AGMO: variants seen among roughly 807,000 people sequenced by gnomAD.
AGMO encodes glyceryl-ether monooxygenase.
Under a neutral mutation model 60.2 loss-of-function variants are expected in AGMO, and 75 were observed. The observed-to-expected ratio is 1.25, with a 90% CI of 1.03 to 1.51. AGMO has a LOEUF of 1.51. Ranked by LOEUF, AGMO falls within the 40% of genes most tolerant of loss-of-function variation. AGMO has a pLI of 0.00. For synonymous variants in AGMO, 261 were observed against 177.1 expected (o/e 1.47, Z -3.76); for missense variants, 763 against 525.5 (o/e 1.45, Z -4.42).
intron 3 of AGMO, among the ~76,000 whole-genome samples, chr7:15,435,554 A>C (rs1218566165): frequency 3.3e-5 from 5 of 152,118 alleles, no homozygotes; most frequent in Non-Finnish European, 7.4e-5. Flanking sequence ...ATTTGTGCCC[A>C]TATTTTAAAT....
At chr7:15,395,978 G>A (rs865835367) in intron 5 of AGMO, 1 of 152,264 alleles carries the variant, frequency 6.6e-6, no homozygotes, top group African/African-American at 2.4e-5. Context: ...ACATATCAAA[G>A]CGGATCCTTC....
intron 5 of AGMO, among the ~76,000 whole-genome samples, chr7:15,415,340 C>T (rs899204937): frequency 2.6e-5 from 4 of 151,884 alleles, no homozygotes; most frequent in African/African-American, 7.2e-5. Flanking sequence ...GTCAAGAGAC[C>T]GAGACCATTC....
intron 12 of AGMO, among the ~76,000 whole-genome samples, chr7:15,269,170 GTATT>G (rs2128512757): frequency 6.6e-6 from 1 of 152,174 alleles, no homozygotes; most frequent in South Asian, 2.1e-4. Flanking sequence ...CAATAAAACT[GTATT>G]TATAATAATA....
intron 12 of AGMO, among the ~76,000 whole-genome samples, chr7:15,323,464 T>C (rs1406321288): frequency 6.6e-6 from 1 of 152,146 alleles, no homozygotes; most frequent in Non-Finnish European, 1.5e-5. Flanking sequence ...GTGTATACAA[T>C]AAATATGTCA....
intron 12 of AGMO, among the ~76,000 whole-genome samples, chr7:15,285,146 G>C (rs1322779420): frequency 2.6e-5 from 4 of 151,798 alleles, no homozygotes; most frequent in Non-Finnish European, 5.9e-5. Context: ...AAAGTTGAAA[G>C]CATTCCCCCG....
intron 3 of AGMO, among the ~76,000 whole-genome samples, chr7:15,435,517 A>G (rs1164176035): frequency 6.6e-6 from 1 of 152,124 alleles, no homozygotes; most frequent in Non-Finnish European, 1.5e-5. Context: ...CCATCTATGT[A>G]TCTTCTTTTT....
chr7:15,382,869 G>A (rs553804901), intron 10 of AGMO, among the ~76,000 whole-genome samples: 1 of 151,934 alleles, frequency 6.6e-6, no homozygotes, highest in East Asian at 2.0e-4. Flanking sequence ...TAAATGATTA[G>A]ATACTTTGTT....
chr7:15,536,077 G>A lies in AGMO; in HGVS notation c.409+8695C>T, dbSNP rs1191735584. Reference sequence around the variant, plus strand: ...TAGTACCTAACAATATAAAAAACATGTATTCAATAACAGTGGTAATATTTA... The same window carrying A: ...TAGTACCTAACAATATAAAAAACATATATTCAATAACAGTGGTAATATTTA... On this transcript the variant is annotated intron_variant, in intron 3 of 12. Coordinates refer to ENST00000342526, the MANE Select transcript of AGMO (RefSeq NM_001004320.2). Among the ~76,000 whole-genome samples the A allele has an allele frequency of 1.3e-5, 2 of 151,748 alleles. 1 individual carries two copies. Among genetic ancestry groups the A allele is most frequent in the East Asian group, 3.9e-4 (2 of 5,194 alleles).
chr7:15,268,252 T>G (rs1475838202), intron 12 of AGMO, among the ~76,000 whole-genome samples: 1 of 152,024 alleles, frequency 6.6e-6, no homozygotes, highest in African/African-American at 2.4e-5. Context: ...GACTGTCTTT[T>G]GCATTTCTTT....
intron 4 of AGMO, among the ~76,000 whole-genome samples, chr7:15,419,694 A>G (rs10232120): frequency 0.17 from 25,238 of 151,696 alleles, 2,250 homozygotes; most frequent in Middle Eastern, 0.23. Flanking sequence ...TAATATAAAC[A>G]TGTTATTAAG....
Position 15,412,210 on chromosome 7 carries a change from G to A in AGMO, c.609+6348C>T, listed in dbSNP as rs143171780. Among the ~76,000 whole-genome samples, 625 of 152,086 alleles carry A rather than the reference G, an allele frequency of 4.1e-3. 6 individuals carry two copies. Among genetic ancestry groups the A allele is most frequent in the African/African-American group, 0.015 (613 of 41,492 alleles). ...CATCCTTGCAGCTCTCTTGTACTCT[G>A]ATTTCTATTGCCCTTTACTATTTAG... On this transcript the variant is annotated intron_variant, in intron 5 of 12. Coordinates refer to ENST00000342526, the MANE Select transcript of AGMO (RefSeq NM_001004320.2).
At chr7:15,489,350 T>C (rs1783007944) in intron 3 of AGMO, among the ~76,000 whole-genome samples, 1 of 152,096 alleles carries the variant, frequency 6.6e-6, no homozygotes, top group Non-Finnish European at 1.5e-5. Flanking sequence ...AATGTAAAAT[T>C]AAAAATGTTA....
intron 2 of AGMO, among the ~76,000 whole-genome samples, chr7:15,556,535 G>A (rs1484213987): frequency 6.6e-6 from 1 of 151,932 alleles, no homozygotes; most frequent in African/African-American, 2.4e-5. Flanking sequence ...ACTTCTCTGG[G>A]GAGGATGCAA....
chr7:15,202,109 AGCAAACAAT>A, intron 12 of AGMO, among the ~76,000 whole-genome samples: 1 of 152,116 alleles, frequency 6.6e-6, no homozygotes, highest in Non-Finnish European at 1.5e-5. Flanking sequence ...TGATGATGAA[AGCAAACAAT>A]GCCAAAACAA....
intron 12 of AGMO, among the ~76,000 whole-genome samples, chr7:15,203,006 T>C (rs531888127): frequency 6.6e-6 from 1 of 152,248 alleles, no homozygotes; most frequent in African/African-American, 2.4e-5. Flanking sequence ...ATCCAGAATA[T>C]TCAGCAAGCA....
chr7:15,414,093 C>T (rs1028229069), intron 5 of AGMO, among the ~76,000 whole-genome samples: 48 of 150,730 alleles, frequency 3.2e-4, no homozygotes, highest in African/African-American at 1.1e-3. Context: ...CTGCAAGCTC[C>T]GCCTCCCAGG....
chr7:15,330,372 A>C (rs1189092778), intron 12 of AGMO, among the ~76,000 whole-genome samples: 1 of 152,180 alleles, frequency 6.6e-6, no homozygotes, highest in African/African-American at 2.4e-5. Context: ...GTTCTTATAC[A>C]AATTAAATTC....
intron 12 of AGMO, among the ~76,000 whole-genome samples, chr7:15,354,314 G>GTGTATACA (rs551527948): frequency 0.19 from 12,542 of 64,510 alleles, 2,298 homozygotes; most frequent in African/African-American, 0.34. Flanking sequence ...GTGTATACAC[G>GTGTATACA]CGTGTATATA....
chr7:15,257,317 T>A (rs1010175937), intron 12 of AGMO, among the ~76,000 whole-genome samples: 1 of 152,160 alleles, frequency 6.6e-6, no homozygotes, highest in African/African-American at 2.4e-5. Context: ...GGTATGAACT[T>A]GATACCTACT....
Sources: allele counts gnomAD v4.1 joint callset (sites outside exome capture counted in the v4.1 genomes callset), GRCh38; gene constraint gnomAD v4.1.1; transcripts MANE v1.5; gene names NCBI Gene and HGNC (gene_info 2026-07-23, HGNC 2026-07-21).